Variants in DONSON observed in about 807,000 individuals in gnomAD.
The protein encoded by DONSON is DNA replication fork stabilization factor DONSON.
Under a neutral mutation model 62.1 loss-of-function variants are expected in DONSON, and 43 were observed. That is an observed-to-expected ratio of 0.69 (90% CI 0.54 to 0.89). DONSON has a LOEUF of 0.89. Among genes scored for constraint, DONSON ranks in the 40% least tolerant of loss-of-function variants. DONSON has a pLI of 0.00. For synonymous variants in DONSON, 266 were observed against 264.6 expected, an observed-to-expected ratio of 1.01 and a Z score of -0.05; for missense variants, 696 against 697.5, an observed-to-expected ratio of 1.00 and a Z score of 0.03.
intron 3 of DONSON, 75 bp downstream of exon 3, chr21:33,585,903 C>T: frequency 1.4e-6 from 2 of 1,387,384 alleles, no homozygotes; most frequent in South Asian, 1.2e-5. Flanking sequence ...AAGGCAGCAT[C>T]TGCTATTTTG....
In DONSON at chr21:33,579,513, T is replaced by A. The variant is rs1357430160; in HGVS notation, c.1400A>T (p.Gln467Leu). 6 of 1,614,048 alleles carry A rather than the reference T, an allele frequency of 3.7e-6. No homozygotes were observed. The highest frequency in any genetic ancestry group is 5.1e-6 in the Non-Finnish European group (6 of 1,180,006). Reference sequence around the variant, plus strand: ...AGGACCTGTAATCTCCAAACTAAATTGGTCTCTGTATCCAGAAAGAGCTTG... The same window carrying A: ...AGGACCTGTAATCTCCAAACTAAATAGGTCTCTGTATCCAGAAAGAGCTTG... ...KTQALSGYRD[Q>L]FSLEITGPIM... Residue 467 changes from glutamine (Q) to leucine (L), a missense_variant, in exon 9 of 10, where the codon CAA (glutamine) becomes CTA (leucine). Transcript: ENST00000303071.
intron 5 of DONSON, among the ~76,000 whole-genome samples, chr21:33,582,672 T>C (rs1410411140): frequency 6.6e-6 from 1 of 152,136 alleles, no homozygotes; most frequent in African/African-American, 2.4e-5. Context: ...CAGAGAACAC[T>C]ATGTGGAAGG....
At chr21:33,582,960 G>A (rs1237492733) in intron 5 of DONSON, among the ~76,000 whole-genome samples, 1 of 152,054 alleles carries the variant, frequency 6.6e-6, no homozygotes, top group South Asian at 2.1e-4. Flanking sequence ...CCAGCACTTT[G>A]GGAGGCCGAG....
chr21:33,581,111 ATTT>A, intron 8 of DONSON, 188 bp downstream of exon 8: 1 of 531,582 alleles, frequency 1.9e-6, no homozygotes, highest in Non-Finnish European at 3.3e-6. Flanking sequence ...ATTTCATATA[ATTT>A]ATATATTTCC....
At chr21:33,579,268 C>G in intron 9 of DONSON, 82 bp downstream of exon 9, 1 of 1,024,618 alleles carries the variant, frequency 9.8e-7, no homozygotes, top group South Asian at 2.3e-5. Context: ...ACAATAGTGA[C>G]TCAGCATAAA....
rs1601320345 is a variant in DONSON at position 33,588,567 on chromosome 21, C to T, written c.75G>A (p.Arg25=). Residue 25 remains arginine, a synonymous_variant, in exon 1 of 10, where the codon AGG becomes AGA. Coordinates refer to ENST00000303071, the MANE Select transcript of DONSON (RefSeq NM_017613.4). ...AGGCGGCAGCTCCACGGCTCCGGGC[C>T]CTTTTCCGTCGGAGCCGCACTACCT... The part of the protein sequence containing the change: ...PPEVVRLRRK[R]ARSRGAAASP... The T allele has an allele frequency of 8.0e-7, 1 of 1,254,320 alleles. No homozygotes were observed. The highest frequency in any genetic ancestry group is 1.0e-6 in the Non-Finnish European group (1 of 999,134). 77.7% of individuals were successfully genotyped at this position (1,254,320 alleles called of 1,614,324 possible).
rs115010356 is a variant in DONSON at position 33,583,255 on chromosome 21, T to C, written c.964+233A>G. On this transcript the variant is annotated intron_variant, in intron 5 of 9. Coordinates refer to ENST00000303071, the MANE Select transcript of DONSON (RefSeq NM_017613.4). Reference sequence around the variant, plus strand: ...GATCATCTGATGTGTAACAGTTTCATCCCGAAACCATCCTCCTCACTGCCC... The same window carrying C: ...GATCATCTGATGTGTAACAGTTTCACCCCGAAACCATCCTCCTCACTGCCC... Among the ~76,000 whole-genome samples, 240 of 138,550 alleles carry C rather than the reference T, an allele frequency of 1.7e-3. 2 individuals are homozygous for C. The highest frequency in any genetic ancestry group is 6.3e-3 in the African/African-American group (231 of 36,444). 90.9% of individuals were successfully genotyped at this position (138,550 alleles called of 152,430 possible). A position where few individuals can be genotyped will look rare whatever the true frequency, so the allele number is the denominator to read the frequency against.
Position 33,588,514 on chromosome 21 carries a change from G to T in DONSON, c.128C>A (p.Ala43Glu), listed in dbSNP as rs895261517. 1 of 1,252,426 alleles carries T rather than the reference G, an allele frequency of 8.0e-7. No individual in the cohort carries two copies. Among genetic ancestry groups the T allele is most frequent in the Non-Finnish European group, 1.0e-6 (1 of 998,944 alleles). 77.6% of individuals were successfully genotyped at this position (1,252,426 alleles called of 1,614,324 possible). The change falls in exon 1 of 10, where the codon GCG (alanine) becomes GAG (glutamate). Residue 43 changes from alanine to glutamate, a missense_variant. Physicochemically the swap from Ala to Glu is moderately radical, Grantham distance 107. Transcript: ENST00000303071. ...CGCCACCAGGGCGGCTCGGCGGGCCGCCGGCTCCGTCAGCTCACGGGGCGG... is the reference window on the plus strand; with the variant it reads ...CGCCACCAGGGCGGCTCGGCGGGCCTCCGGCTCCGTCAGCTCACGGGGCGG... ...ASPPRELTEP[A>E]ARRAALVAGL...
At chr21:33,582,349 T>C (rs1214669748) in intron 5 of DONSON, 103 bp from the exon 6 acceptor site, 3 of 905,646 alleles carry the variant, frequency 3.3e-6, no homozygotes, top group Non-Finnish European at 5.1e-6. Context: ...TTTTTACAAA[T>C]GATCTATTAA....
chr21:33,579,763 A>C, intron 8 of DONSON: 1 of 520,382 alleles, frequency 1.9e-6, no homozygotes, highest in East Asian at 2.8e-5. Flanking sequence ...ATATTAAGAG[A>C]TTTTCAGGTG....
chr21:33,586,712 C>T (rs115905064), intron 2 of DONSON, among the ~76,000 whole-genome samples: 3,273 of 151,956 alleles, frequency 0.022, 120 homozygotes, highest in African/African-American at 0.075. Context: ...CGGCTCAGTA[C>T]CAACCTCTGC....
Position 33,588,432 on chromosome 21 carries a change from G to A in DONSON, c.210C>T (p.Gly70=). The A allele has an allele frequency of 2.3e-6, 3 of 1,307,878 alleles. No individual in the cohort carries two copies. The highest frequency in any genetic ancestry group is 1.9e-6 in the Non-Finnish European group (2 of 1,028,814). The allele number at this position is 1,307,878 out of a possible 1,614,324, so 81.0% of individuals were successfully genotyped here. A position where few individuals can be genotyped will look rare whatever the true frequency, so the allele number is the denominator to read the frequency against. ...AAGGRGGGSG[G]GPAAARRNPF... ...GGTTCCTCCGAGCAGCGGCCGGGCC[G>A]CCGCCGCTGCCACCGCCTCTGCCCC... The change falls in exon 1 of 10, where the codon GGC becomes GGT. Residue 70 remains glycine, a synonymous_variant. Coordinates refer to ENST00000303071, the MANE Select transcript of DONSON (RefSeq NM_017613.4).
At chr21:33,581,626 T>C in intron 7 of DONSON, 126 bp from the exon 8 acceptor site, 1 of 798,564 alleles carries the variant, frequency 1.3e-6, no homozygotes, top group Non-Finnish European at 1.9e-6. Flanking sequence ...TTGCTACCTC[T>C]CTTTACCGAA....
chr21:33,579,621 C>T (rs987725677), intron 8 of DONSON, 59 bp from the exon 9 acceptor site: 1 of 1,381,928 alleles, frequency 7.2e-7, no homozygotes, highest in Non-Finnish European at 1.0e-6. Flanking sequence ...TTTGCCTAGC[C>T]AAAAATATGT....
At position 33,588,427 on chromosome 21, in the gene DONSON, G is replaced by T; in HGVS notation, c.215C>A (p.Pro72Gln). The stretch of plus-strand genomic sequence containing the variant: ...GAAGGGGTTCCTCCGAGCAGCGGCC[G>T]GGCCGCCGCCGCTGCCACCGCCTCT... ...GGRGGGSGGG[P>Q]AAARRNPFAR... The change falls in exon 1 of 10, where the codon CCG (proline) becomes CAG (glutamine). Residue 72 changes from proline (P) to glutamine (Q), a missense_variant. Pro to Gln is a moderately conservative substitution (Grantham distance 76). Transcript: ENST00000303071. The T allele has an allele frequency of 5.4e-6, 7 of 1,308,378 alleles. No individual in the cohort carries two copies. Among genetic ancestry groups the T allele is most frequent in the Non-Finnish European group, 6.8e-6 (7 of 1,029,248 alleles). 81.0% of individuals were successfully genotyped at this position (1,308,378 alleles called of 1,614,324 possible).
rs1245835227 is a variant in DONSON, at chr21:33,582,266, G to A, written c.965-20C>T. 6.3e-7 allele frequency: 1 copy of A among 1,576,658 alleles called. No homozygotes were observed. The highest frequency in any genetic ancestry group is 1.4e-5 in the African/African-American group (1 of 73,894). On this transcript the variant is annotated intron_variant, in intron 5 of 9. Coordinates refer to ENST00000303071, the MANE Select transcript of DONSON (RefSeq NM_017613.4). ...CAATACCTATATGAGGAACAAAAATGTAACTGAGTTGTCATTTAAAGTATT... is the reference window on the plus strand; with the variant it reads ...CAATACCTATATGAGGAACAAAAATATAACTGAGTTGTCATTTAAAGTATT...
At position 33,588,475 on chromosome 21, in the gene DONSON, C is replaced by T; in HGVS notation, c.167G>A (p.Arg56His). 1 of 1,277,162 alleles carries T rather than the reference C, an allele frequency of 7.8e-7. No individual in the cohort carries two copies. Among genetic ancestry groups the T allele is most frequent in the Non-Finnish European group, 9.9e-7 (1 of 1,013,352 alleles). The allele number at this position is 1,277,162 out of a possible 1,614,324, so 79.1% of individuals were successfully genotyped here. A position where few individuals can be genotyped will look rare whatever the true frequency, so the allele number is the denominator to read the frequency against. ...RAALVAGLPLRPFPAAGGRGG... is the reference protein window; with the variant it reads ...RAALVAGLPLHPFPAAGGRGG... ...TCTGCCCCCCGCAGCAGGGAAAGGGCGAAGAGGCAGCCCCGCCACCAGGGC... is the reference window on the plus strand; with the variant it reads ...TCTGCCCCCCGCAGCAGGGAAAGGGTGAAGAGGCAGCCCCGCCACCAGGGC... Residue 56 changes from arginine (R) to histidine (H), a missense_variant, in exon 1 of 10, where the codon CGC (arginine) becomes CAC (histidine). Transcript: ENST00000303071.
At chr21:33,583,758 A>G in intron 4 of DONSON, 92 bp from the exon 5 acceptor site, 2 of 1,007,360 alleles carry the variant, frequency 2.0e-6, no homozygotes, top group Admixed American at 5.4e-5. Flanking sequence ...CTGGTTTAAA[A>G]CACAACACAA....
intron 3 of DONSON, among the ~76,000 whole-genome samples, chr21:33,585,485 T>C (rs775561509): frequency 6.7e-6 from 1 of 149,414 alleles, no homozygotes; most frequent in Non-Finnish European, 1.5e-5. Context: ...AATGCTGAGA[T>C]TACAGGCATG....
Sources: gnomAD v4.1 joint callset for allele counts (sites outside exome capture counted in the v4.1 genomes callset) on GRCh38, gnomAD v4.1.1 for gene constraint, MANE v1.5 for transcripts, NCBI Gene and HGNC (gene_info 2026-07-23, HGNC 2026-07-21) for gene names.